Variants in MARK4 observed in about 807,000 individuals in gnomAD.
MARK4 encodes the protein microtubule affinity regulating kinase 4, also known as MAP/microtubule affinity-regulating kinase 4.
Under a neutral mutation model 81.5 loss-of-function variants are expected in MARK4, and 19 were observed. The ratio of observed to expected loss-of-function variants is 0.23; its 90% CI spans 0.16 to 0.34. The LOEUF (loss-of-function observed/expected upper bound fraction) is 0.34. Ranked by LOEUF, MARK4 falls within the 10% of genes least tolerant of loss-of-function variation. The pLI, the probability that MARK4 is intolerant of heterozygous loss-of-function variation, is 1.00. For synonymous variants in MARK4, 436 were observed against 439.0 expected (o/e 0.99, Z 0.08); for missense variants, 772 against 1,058.8 (o/e 0.73, Z 3.76).
At chr19:45,262,431 T>C (rs1692675269) in intron 2 of MARK4, among the ~76,000 whole-genome samples, 1 of 152,056 alleles carries the variant, frequency 6.6e-6, no homozygotes. Context: ...AGATTAAGAG[T>C]TCTCGTTTGT....
At chr19:45,283,925 A>C (rs1220302851) in intron 12 of MARK4, among the ~76,000 whole-genome samples, 1 of 152,130 alleles carries the variant, frequency 6.6e-6, no homozygotes, top group East Asian at 1.9e-4. Flanking sequence ...ACTCTGGGAC[A>C]GGTACTAGGC....
chr19:45,263,152 A>G lies in MARK4; in HGVS notation c.292A>G (p.Ser98Gly). The G allele has an allele frequency of 6.2e-7, 1 of 1,608,868 alleles. No homozygotes were observed. Among genetic ancestry groups the G allele is most frequent in the Non-Finnish European group, 8.5e-7 (1 of 1,177,492 alleles). ...TATCGACAAAACCCAGCTGAATCCC[A>G]GCAGCCTGCAGAAGGTGAGGCTGGG... ...KIIDKTQLNP[S>G]SLQKLFREVR... Residue 98 changes from serine (S) to glycine (G), a missense_variant, in exon 3 of 17, where the codon AGC (serine) becomes GGC (glycine). Around this residue, in one of 3 missense-constraint regions of MARK4, gnomAD observed 115 missense variants for 139.8 expected, o/e 0.82. Coordinates refer to ENST00000262891, the MANE Select transcript of MARK4 (RefSeq NM_001199867.2).
chr19:45,296,213 C>CA (rs924123514), intron 14 of MARK4, among the ~76,000 whole-genome samples: 8 of 149,990 alleles, frequency 5.3e-5, no homozygotes, highest in Non-Finnish European at 1.2e-4. Context: ...CAGACTCAGA[C>CA]AAAAAAAATC....
chr19:45,297,767 A>G lies in MARK4; in HGVS notation c.1690A>G (p.Thr564Ala), dbSNP rs1970906991. ...GCGGAGCCGCCTGGCACGTGGTTCCACCATCCGCAGCACCTTCCATGGTGG... is the reference window on the plus strand; with the variant it reads ...GCGGAGCCGCCTGGCACGTGGTTCCGCCATCCGCAGCACCTTCCATGGTGG... ...GERSRLARGS[T>A]IRSTFHGGQV... Residue 564 changes from threonine (T) to alanine (A), a missense_variant, in exon 15 of 17, where the codon ACC becomes GCC. By Grantham distance (58) the Thr-to-Ala change is moderately conservative. This residue lies in a region of MARK4 where 548 missense variants were observed against 624.3 expected (regional missense o/e 0.88). Coordinates refer to ENST00000262891, the MANE Select transcript of MARK4 (RefSeq NM_001199867.2). 2 of 1,579,714 alleles carry G rather than the reference A, an allele frequency of 1.3e-6. No homozygotes were observed. Among genetic ancestry groups the G allele is most frequent in the African/African-American group, 2.7e-5 (2 of 74,130 alleles).
chr19:45,260,329 G>C (rs1378533922), intron 2 of MARK4, among the ~76,000 whole-genome samples: 1 of 150,456 alleles, frequency 6.6e-6, no homozygotes, highest in Admixed American at 6.6e-5. Context: ...GGCAGAGGTT[G>C]CAATGAGCCA....
chr19:45,270,340 G>A (rs1357699688), intron 7 of MARK4, among the ~76,000 whole-genome samples: 1 of 152,146 alleles, frequency 6.6e-6, no homozygotes, highest in African/African-American at 2.4e-5. Flanking sequence ...CCGAGAGTCT[G>A]TCGTTTCACC....
chr19:45,276,739 C>T (rs370693537), intron 8 of MARK4, among the ~76,000 whole-genome samples: 1 of 149,998 alleles, frequency 6.7e-6, no homozygotes, highest in East Asian at 2.0e-4. Context: ...GATTCTCCTG[C>T]CTCAGCCTCC....
At chr19:45,290,441 G>A (rs1030971505) in intron 13 of MARK4, among the ~76,000 whole-genome samples, 2 of 152,240 alleles carry the variant, frequency 1.3e-5, no homozygotes, top group Non-Finnish European at 2.9e-5. Context: ...GACCACAAGT[G>A]TCCACCTGTT....
intron 12 of MARK4, among the ~76,000 whole-genome samples, chr19:45,282,789 A>T (rs982786137): frequency 6.6e-6 from 1 of 151,980 alleles, no homozygotes; most frequent in Non-Finnish European, 1.5e-5. Flanking sequence ...ACGCCACTGC[A>T]CTCCAGCCTG....
chr19:45,263,300 C>A lies in MARK4; in HGVS notation c.307-19C>A, dbSNP rs1362844557. 2 of 1,614,218 alleles carry A rather than the reference C, an allele frequency of 1.2e-6. No individual in the cohort carries two copies. The highest frequency in any genetic ancestry group is 4.5e-5 in the East Asian group (2 of 44,882). ...ACCCACCCTCACTCTCCTCTGTCTTCCTTTCTGGCCACGCCCAGCTGTTCC... is the reference window on the plus strand; with the variant it reads ...ACCCACCCTCACTCTCCTCTGTCTTACTTTCTGGCCACGCCCAGCTGTTCC... On this transcript the variant is annotated intron_variant, in intron 3 of 16. Transcript: ENST00000262891.
intron 9 of MARK4, 114 bp downstream of exon 9, chr19:45,278,156 C>A: frequency 6.9e-7 from 1 of 1,451,200 alleles, no homozygotes; most frequent in Non-Finnish European, 9.3e-7. Flanking sequence ...CCTGTGCCCA[C>A]CGAAGATCTG....
At chr19:45,264,156 A>G (rs193066591) in intron 4 of MARK4, among the ~76,000 whole-genome samples, 3 of 152,258 alleles carry the variant, frequency 2.0e-5, no homozygotes, top group African/African-American at 7.2e-5. Context: ...CAGGGAAGAC[A>G]ACAAGACACA....
In MARK4 at chr19:45,299,814, C is replaced by G; in HGVS notation, c.1881C>G (p.Val627=). 6.2e-7 allele frequency: 1 copy of G among 1,604,150 alleles called. No individual in the cohort carries two copies. The highest frequency in any genetic ancestry group is 8.5e-7 in the Non-Finnish European group (1 of 1,173,384). ...TKLTSKLTRR[V]ADEPERIGGP... ...CTGTCCCCCTCCCCTCCCCTAGGGT[C>G]GCAGACGAACCTGAGAGAATCGGGG... The change falls in exon 16 of 17, where the codon GTC becomes GTG. Residue 627 remains valine, a synonymous_variant. Coordinates refer to ENST00000262891, the MANE Select transcript of MARK4 (RefSeq NM_001199867.2).
At chr19:45,261,255 G>A (rs1970376840) in intron 2 of MARK4, among the ~76,000 whole-genome samples, 1 of 152,092 alleles carries the variant, frequency 6.6e-6, no homozygotes, top group South Asian at 2.1e-4. Flanking sequence ...AACCAGACAA[G>A]AAACAAAATT....
rs766027932 is a variant in MARK4 at position 45,302,650 on chromosome 19, G to A, written c.2199G>A (p.Ala733=). 14 of 1,539,440 alleles carry A rather than the reference G, an allele frequency of 9.1e-6. No homozygotes were observed. The Middle Eastern group carries it at 6.6e-4, about 73-fold the overall frequency. The change falls in exon 17 of 17, where the codon GCG becomes GCA. Residue 733 remains alanine (A), a synonymous_variant. Coordinates refer to ENST00000262891, the MANE Select transcript of MARK4 (RefSeq NM_001199867.2). This position sits in a 1 kb window ranked among gnomAD's most constrained non-coding sequence, Gnocchi z 4.9. Reference sequence around the variant, plus strand: ...GGGGAGTTCTCTTCCGCCGTGTGGCGGGCACCGCCCTGGCCTTCCGCACCC... The same window carrying A: ...GGGGAGTTCTCTTCCGCCGTGTGGCAGGCACCGCCCTGGCCTTCCGCACCC... ...GLRGVLFRRV[A]GTALAFRTLV...
Position 45,302,695 on chromosome 19 carries a change from C to T in MARK4, c.2244C>T (p.Asn748=), listed in dbSNP as rs1284371260. ...AFRTLVTRIS[N]DLEL The stretch of plus-strand genomic sequence containing the variant: ...GCACCCTCGTCACCCGCATCTCCAA[C>T]GACCTCGAGCTCTGAGCCACCACGG... The change falls in exon 17 of 17, where the codon AAC becomes AAT. Residue 748 remains asparagine (N), a synonymous_variant. Transcript: ENST00000262891. This position sits in a 1 kb window ranked among gnomAD's most constrained non-coding sequence, Gnocchi z 4.9. 6 of 1,536,282 alleles carry T rather than the reference C, an allele frequency of 3.9e-6. 1 individual carries two copies. The highest frequency in any genetic ancestry group is 2.0e-5 in the Admixed American group (1 of 51,002).
At chr19:45,258,321 A>G (rs571384069) in intron 1 of MARK4, among the ~76,000 whole-genome samples, 4 of 152,290 alleles carry the variant, frequency 2.6e-5, no homozygotes, top group East Asian at 1.9e-4. Context: ...TGGGAATCCA[A>G]AAGATTCATG....
rs1970993849 is a variant in MARK4, at chr19:45,302,671, C to T, written c.2220C>T (p.Arg740=). Residue 740 remains arginine, a synonymous_variant, in exon 17 of 17, where the codon CGC becomes CGT. Coordinates refer to ENST00000262891, the MANE Select transcript of MARK4 (RefSeq NM_001199867.2). This position sits in a 1 kb window ranked among gnomAD's most constrained non-coding sequence, Gnocchi z 4.9. ...TGGCGGGCACCGCCCTGGCCTTCCG[C>T]ACCCTCGTCACCCGCATCTCCAACG... ...RRVAGTALAF[R]TLVTRISNDL... The T allele has an allele frequency of 6.5e-7, 1 of 1,537,064 alleles. No individual in the cohort carries two copies. Among genetic ancestry groups the T allele is most frequent in the Non-Finnish European group, 8.7e-7 (1 of 1,147,204 alleles).
At chr19:45,282,969 G>T (rs1286476297) in intron 12 of MARK4, among the ~76,000 whole-genome samples, 1 of 152,104 alleles carries the variant, frequency 6.6e-6, no homozygotes, top group Non-Finnish European at 1.5e-5. Flanking sequence ...TCCAGCCTGG[G>T]TTACAGAGCG....
Sources: gnomAD v4.1 joint callset for allele counts (sites outside exome capture counted in the v4.1 genomes callset) on GRCh38, gnomAD v4.1.1 for gene constraint, gnomAD v4.1.1 regional missense constraint, Gnocchi (gnomAD v3.1) non-coding constraint, MANE v1.5 for transcripts, NCBI Gene and HGNC (gene_info 2026-07-23, HGNC 2026-07-21) for gene names.